RTN4: variants seen among roughly 807,000 people sequenced by gnomAD.
RTN4 encodes the protein reticulon-4.
In RTN4, 32 loss-of-function variants were observed where a neutral mutation model predicts 90.4. That is an observed-to-expected ratio of 0.35 (90% confidence interval 0.27 to 0.48). RTN4 has a LOEUF of 0.48. Among genes scored for constraint, RTN4 ranks in the 20% least tolerant of loss-of-function variants. RTN4 has a pLI of 0.99. For missense variants in RTN4, 1,706 were observed against 1,430.2 expected, an observed-to-expected ratio of 1.19 and a Z score of -3.11; for synonymous variants, 629 against 552.5, an observed-to-expected ratio of 1.14 and a Z score of -1.94.
In RTN4 at chr2:55,025,347, C is replaced by G; in HGVS notation, c.2752G>C (p.Asp918His). Reference protein sequence around the residue: ...GSLPCTELPHDLSLKNIQPKV... With the variant: ...GSLPCTELPHHLSLKNIQPKV... ...GGTTGTATGTTCTTCAAAGAAAGGT[C>G]ATGGGGCAATTCTGTGCAAGGCAAT... is the stretch of plus-strand genomic sequence containing the variant. The change falls in exon 3 of 9, where the codon GAC (aspartate) becomes CAC (histidine). Residue 918 changes from aspartate (D) to histidine (H), a missense_variant. Coordinates refer to ENST00000337526, the MANE Select transcript of RTN4 (RefSeq NM_020532.5). 1 of 1,613,934 alleles carries G rather than the reference C, an allele frequency of 6.2e-7. No individual in the cohort carries two copies. The highest frequency in any genetic ancestry group is 8.5e-7 in the Non-Finnish European group (1 of 1,179,880).
chr2:55,028,144 G>T lies in RTN4; in HGVS notation c.613+20C>A. The T allele has an allele frequency of 1.2e-6, 2 of 1,607,272 alleles. No homozygotes were observed. Among genetic ancestry groups the T allele is most frequent in the Non-Finnish European group, 1.7e-6 (2 of 1,175,464 alleles). On this transcript the variant is annotated intron_variant, in intron 2 of 8. Coordinates refer to ENST00000337526, the MANE Select transcript of RTN4 (RefSeq NM_020532.5). ...AAGTTAGAATACAGAGAGGATAAAA[G>T]GCTGGCAGAAAGAACTTGCCTGCAG...
the RTN4 span, among the ~76,000 whole-genome samples, chr2:55,127,603 A>G: frequency 3.8e-4 from 58 of 152,314 alleles, no homozygotes; most frequent in East Asian, 0.011. Context: ...ATCCATCCTC[A>G]TAATACCCCA....
chr2:55,065,034 G>A (rs1668365548), intron 2 of RTN4, among the ~76,000 whole-genome samples: 1 of 152,180 alleles, frequency 6.6e-6, no homozygotes, highest in African/African-American at 2.4e-5. Context: ...GTAAGCATAT[G>A]CTGGAAAGAA....
chr2:54,983,109 G>A (rs1218582526), intron 4 of RTN4, among the ~76,000 whole-genome samples: 1 of 149,378 alleles, frequency 6.7e-6, no homozygotes, highest in Non-Finnish European at 1.5e-5. Flanking sequence ...GTCTCATCAC[G>A]TTTTCCTAAC....
At chr2:55,042,012 A>C (rs1328321655) in intron 1 of RTN4, among the ~76,000 whole-genome samples, 2 of 152,124 alleles carry the variant, frequency 1.3e-5, no homozygotes, top group Non-Finnish European at 2.9e-5. Flanking sequence ...ATCTACATAC[A>C]TGAGACCAAA....
chr2:55,025,986 T>G lies in RTN4; in HGVS notation c.2113A>C (p.Thr705Pro). 6.2e-7 allele frequency: 1 copy of G among 1,612,786 alleles called. No homozygotes were observed. The highest frequency in any genetic ancestry group is 8.5e-7 in the Non-Finnish European group (1 of 1,179,784). ...ISIACDLIKE[T>P]KLSAEPAPDF... ...GGAGCTGGTTCAGCAGAAAGCTTTG[T>G]TTCTTTAATTAAATCACATGCAATA... Residue 705 changes from threonine to proline, a missense_variant, in exon 3 of 9, where the codon ACA (threonine) becomes CCA (proline). Thr to Pro is a conservative substitution (Grantham distance 38, BLOSUM62 -1). Transcript: ENST00000337526.
chr2:55,026,804 G>C lies in RTN4; in HGVS notation c.1295C>G (p.Thr432Ser). ...KKCFADSLEQ[T>S]NHEKDSESSN... is the part of the protein sequence containing the mutation. Reference sequence around the variant, plus strand: ...ACTCTCACTATCTTTTTCGTGATTAGTTTGCTCAAGGCTATCTGCAAAACA... The same window carrying C: ...ACTCTCACTATCTTTTTCGTGATTACTTTGCTCAAGGCTATCTGCAAAACA... The change falls in exon 3 of 9, where the codon ACT becomes AGT. Residue 432 changes from threonine to serine, a missense_variant. Thr to Ser is a moderately conservative substitution (Grantham distance 58). Coordinates refer to ENST00000337526, the MANE Select transcript of RTN4 (RefSeq NM_020532.5). 6.2e-7 allele frequency: 1 copy of C among 1,613,910 alleles called. No homozygotes were observed. The highest frequency in any genetic ancestry group is 1.1e-5 in the South Asian group (1 of 91,074).
chr2:55,024,933 C>T (rs1303722590), intron 3 of RTN4, among the ~76,000 whole-genome samples, 153 bp downstream of exon 3: 1 of 152,112 alleles, frequency 6.6e-6, no homozygotes, highest in Non-Finnish European at 1.5e-5. Flanking sequence ...TTAGAAAAAG[C>T]ACTAAAACCT....
chr2:54,989,818 C>T (rs143780318), intron 3 of RTN4, among the ~76,000 whole-genome samples: 9 of 152,228 alleles, frequency 5.9e-5, no homozygotes, highest in Non-Finnish European at 5.9e-5. Flanking sequence ...AGAATGAATG[C>T]GACCTAGAAA....
At chr2:55,020,049 G>C (rs1311138928) in intron 3 of RTN4, among the ~76,000 whole-genome samples, 1 of 152,020 alleles carries the variant, frequency 6.6e-6, no homozygotes, top group Non-Finnish European at 1.5e-5. Context: ...AAATTGAAGA[G>C]GATACAAACA....
chr2:55,060,033 G>T (rs1040664199), intron 2 of RTN4, among the ~76,000 whole-genome samples: 1 of 152,076 alleles, frequency 6.6e-6, no homozygotes, highest in African/African-American at 2.4e-5. Context: ...CTGGAATGTC[G>T]CTGGCTAATG....
the RTN4 span, among the ~76,000 whole-genome samples, chr2:55,123,334 C>T: frequency 6.6e-6 from 1 of 152,160 alleles, no homozygotes; most frequent in Admixed American, 6.5e-5. Flanking sequence ...TGAAGGCTAT[C>T]ATCAACTCTA....
intron 2 of RTN4, among the ~76,000 whole-genome samples, chr2:55,055,893 A>G (rs1397170531): frequency 1.3e-5 from 2 of 151,986 alleles, no homozygotes; most frequent in Admixed American, 6.6e-5. Flanking sequence ...ATAAGAATGT[A>G]TATCTATAAA....
chr2:55,075,718 G>C (rs2105022492), intron 2 of RTN4, among the ~76,000 whole-genome samples: 1 of 152,254 alleles, frequency 6.6e-6, no homozygotes, highest in African/African-American at 2.4e-5. Flanking sequence ...CACCAAAACA[G>C]CATAGTACTG....
chr2:55,133,449 C>A, the RTN4 span, among the ~76,000 whole-genome samples: 1 of 152,130 alleles, frequency 6.6e-6, no homozygotes, highest in East Asian at 1.9e-4. Flanking sequence ...AGGTATAAAT[C>A]TACTTCCCAA....
intron 1 of RTN4, among the ~76,000 whole-genome samples, chr2:55,038,299 T>G (rs761930216): frequency 5.9e-5 from 9 of 152,062 alleles, no homozygotes; most frequent in Non-Finnish European, 1.2e-4. Context: ...AATTAAAAAT[T>G]TATACTCATC....
the RTN4 span, among the ~76,000 whole-genome samples, chr2:55,129,721 C>T: frequency 1.5e-4 from 23 of 152,182 alleles, no homozygotes; most frequent in African/African-American, 4.6e-4. Flanking sequence ...GCCACCACAC[C>T]CAGCTAATTT....
chr2:54,995,934 A>G (rs748188342), intron 3 of RTN4, among the ~76,000 whole-genome samples: 7 of 152,170 alleles, frequency 4.6e-5, no homozygotes, highest in Non-Finnish European at 8.8e-5. Context: ...GAACAAAACA[A>G]TGATATGAGG....
rs368502784 is a variant in RTN4 at position 55,092,103 on chromosome 2, T to C, written c.-213-11464A>G. 1.6e-4 allele frequency among the ~76,000 whole-genome samples: 24 copies of C among 151,648 alleles called. No individual in the cohort carries two copies. The South Asian group carries it at 4.6e-3, about 29-fold the overall frequency. ...TACCTGGGAGGTTGAGGTGGGAAGA[T>C]TGCTTGAGTCCAGGAGTTTGAGGCT... On this transcript the variant is annotated intron_variant, in intron 1 of 3. Coordinates refer to the RTN4 transcript ENST00000427710.
Sources: allele counts gnomAD v4.1 joint callset (sites outside exome capture counted in the v4.1 genomes callset), GRCh38; gene constraint gnomAD v4.1.1; transcripts MANE v1.5; gene names NCBI Gene and HGNC (gene_info 2026-07-23, HGNC 2026-07-21).